PTPN4: variants seen among roughly 807,000 people sequenced by gnomAD.
PTPN4 encodes the protein protein tyrosine phosphatase non-receptor type 4.
PTPN4 carries 49 observed loss-of-function variants against 135.5 expected under a neutral mutation model. The observed-to-expected ratio is 0.36, with a 90% CI of 0.29 to 0.46. PTPN4 has a LOEUF of 0.46. Ranked by LOEUF, PTPN4 falls within the 20% of genes least tolerant of loss-of-function variation. The pLI, the probability that PTPN4 is intolerant of heterozygous loss-of-function variation, is 1.00. For missense variants in PTPN4, 860 were observed against 1,101.0 expected (o/e 0.78, Z 3.10); for synonymous variants, 333 against 369.9 (o/e 0.90, Z 1.14).
chr2:119,892,276 A>C (rs1678251747), intron 9 of PTPN4, among the ~76,000 whole-genome samples: 1 of 152,210 alleles, frequency 6.6e-6, no homozygotes, highest in African/African-American at 2.4e-5. Flanking sequence ...GGATTTTTCA[A>C]AATGTTCTAT....
Position 119,945,644 on chromosome 2 carries a change from A to G in PTPN4, c.1515+404A>G, listed in dbSNP as rs78122837. Among the ~76,000 whole-genome samples, 1,207 of 152,178 alleles carry G rather than the reference A, an allele frequency of 7.9e-3. 35 individuals are homozygous for G. The East Asian group carries it at 0.084, about 11-fold the overall frequency. On this transcript the variant is annotated intron_variant, in intron 16 of 26. Coordinates refer to ENST00000263708, the MANE Select transcript of PTPN4 (RefSeq NM_002830.4). Reference sequence around the variant, plus strand: ...AAAATAACAATAAAGAACATACTGAATGAAAGAAGCCCAGGACAAATAGCC... The same window carrying G: ...AAAATAACAATAAAGAACATACTGAGTGAAAGAAGCCCAGGACAAATAGCC...
At chr2:119,953,325 C>CAA (rs763477190) in intron 19 of PTPN4, among the ~76,000 whole-genome samples, 1 of 152,098 alleles carries the variant, frequency 6.6e-6, no homozygotes, top group Non-Finnish European at 1.5e-5. Context: ...CCCAACCCTG[C>CAA]AAAATTTTGC....
At chr2:119,896,462 C>T (rs1458199710) in intron 9 of PTPN4, among the ~76,000 whole-genome samples, 1 of 152,160 alleles carries the variant, frequency 6.6e-6, no homozygotes, top group African/African-American at 2.4e-5. Context: ...GCTGTCCTCT[C>T]TATTTCCTGC....
At position 119,984,278 on chromosome 2, in the gene PTPN4, G is replaced by A. The variant is rs975770499; in HGVS notation, c.*7208G>A. On this transcript the variant is annotated 3_prime_UTR_variant, in exon 27 of 27. Coordinates refer to ENST00000263708, the MANE Select transcript of PTPN4 (RefSeq NM_002830.4). ...TAAAAATAATTATTTCTATGTGGAG[G>A]GTGTTTTAATTTGGGATTTTTTTTT... Among the ~76,000 whole-genome samples, 4 of 151,876 alleles carry A rather than the reference G, an allele frequency of 2.6e-5. No individual in the cohort carries two copies. Among genetic ancestry groups the A allele is most frequent in the Non-Finnish European group, 5.9e-5 (4 of 67,966 alleles).
chr2:119,984,588 A>G lies in PTPN4; in HGVS notation c.*7518A>G, dbSNP rs1420025282. Among the ~76,000 whole-genome samples, 1 of 152,168 alleles carries G rather than the reference A, an allele frequency of 6.6e-6. No homozygotes were observed. The highest frequency in any genetic ancestry group is 2.4e-5 in the African/African-American group (1 of 41,438). The stretch of plus-strand genomic sequence containing the variant: ...ACTGCATAATTTGAAATCACTCTGC[A>G]TTTGTCACTGCAGCTTACTGTATGC... On this transcript the variant is annotated 3_prime_UTR_variant, in exon 27 of 27. Transcript: ENST00000263708.
chr2:119,879,574 T>C (rs1276743198), intron 5 of PTPN4, among the ~76,000 whole-genome samples: 1 of 152,228 alleles, frequency 6.6e-6, no homozygotes, highest in African/African-American at 2.4e-5. Flanking sequence ...CCCTAGATAA[T>C]TCTGATTGAA....
rs1679636616 is a variant in PTPN4, at chr2:119,977,604, G to C, written c.*534G>C. On this transcript the variant is annotated 3_prime_UTR_variant, in exon 27 of 27. Transcript: ENST00000263708. The stretch of plus-strand genomic sequence containing the variant: ...CCCTGCACACCCCCTGTAGAGACCT[G>C]CCTGCTGCTCAGAAGAAGAAAGATG... 6.6e-6 allele frequency: 1 copy of C among 152,230 alleles called. No individual in the cohort carries two copies. Among genetic ancestry groups the C allele is most frequent in the East Asian group, 1.9e-4 (1 of 5,200 alleles). The allele number at this position is 152,230 out of a possible 1,614,324, so 9.4% of individuals were successfully genotyped here.
chr2:119,948,814 A>G (rs1051173325), intron 18 of PTPN4, among the ~76,000 whole-genome samples: 3 of 152,296 alleles, frequency 2.0e-5, no homozygotes, highest in Admixed American at 1.3e-4. Flanking sequence ...ATATGTTTGA[A>G]CCAGTTTATT....
chr2:119,772,978 TG>T (rs1690761612), intron 1 of PTPN4, among the ~76,000 whole-genome samples: 1 of 152,210 alleles, frequency 6.6e-6, no homozygotes, highest in Non-Finnish European at 1.5e-5. Context: ...CTTCTGAAAG[TG>T]TTTTGAAGCT....
intron 2 of PTPN4, among the ~76,000 whole-genome samples, chr2:119,819,238 C>T (rs62167252): frequency 0.073 from 11,146 of 152,146 alleles, 537 homozygotes; most frequent in Non-Finnish European, 0.11. Context: ...GCCCTTTTCT[C>T]CCAAAGATCA....
At chr2:119,767,192 T>A (rs971182491) in intron 1 of PTPN4, among the ~76,000 whole-genome samples, 1 of 152,174 alleles carries the variant, frequency 6.6e-6, no homozygotes, top group African/African-American at 2.4e-5. Flanking sequence ...CACCTTGGAA[T>A]TGTGTTTAGC....
chr2:119,812,693 G>A (rs1676909711), intron 2 of PTPN4, among the ~76,000 whole-genome samples: 1 of 152,098 alleles, frequency 6.6e-6, no homozygotes, highest in African/African-American at 2.4e-5. Context: ...GGAGTGTATT[G>A]TCCCTCTCAT....
At chr2:119,905,126 T>C (rs1176149638) in intron 10 of PTPN4, among the ~76,000 whole-genome samples, 1 of 149,634 alleles carries the variant, frequency 6.7e-6, no homozygotes. Context: ...ATTAGCAAAA[T>C]AACAAGAATA....
intron 15 of PTPN4, among the ~76,000 whole-genome samples, chr2:119,935,983 C>T (rs769749365): frequency 2.6e-5 from 4 of 151,966 alleles, no homozygotes; most frequent in South Asian, 2.1e-4. Context: ...GACATATAAA[C>T]GCAATTGAAT....
intron 2 of PTPN4, among the ~76,000 whole-genome samples, chr2:119,824,282 G>C (rs945790927): frequency 1.5e-4 from 23 of 152,164 alleles, no homozygotes; most frequent in Non-Finnish European, 2.2e-4. Context: ...ACTCTTTTTG[G>C]GGGGGAGGCA....
At chr2:119,877,226 C>A in intron 3 of PTPN4, 97 bp from the exon 4 acceptor site, 2 of 1,357,180 alleles carry the variant, frequency 1.5e-6, no homozygotes, top group Non-Finnish European at 2.0e-6. Context: ...TGAAATGCAG[C>A]TTTTAGCATT....
chr2:119,817,701 G>A (rs1024152768), intron 2 of PTPN4, among the ~76,000 whole-genome samples: 6 of 152,132 alleles, frequency 3.9e-5, no homozygotes, highest in African/African-American at 1.4e-4. Flanking sequence ...GTTCTTTGAA[G>A]AATGTCAATG....
At chr2:119,963,792 T>G (rs1450407862) in intron 24 of PTPN4, among the ~76,000 whole-genome samples, 1 of 152,198 alleles carries the variant, frequency 6.6e-6, no homozygotes, top group African/African-American at 2.4e-5. Flanking sequence ...ATATGATATT[T>G]CTTCATTTTC....
intron 3 of PTPN4, among the ~76,000 whole-genome samples, chr2:119,864,828 G>T (rs569265978): frequency 1.4e-4 from 22 of 152,236 alleles, no homozygotes; most frequent in African/African-American, 5.3e-4. Flanking sequence ...TTGTCTTTCT[G>T]TCTTGAGTAT....
Sources: allele counts gnomAD v4.1 joint callset (sites outside exome capture counted in the v4.1 genomes callset), GRCh38; gene constraint gnomAD v4.1.1; transcripts MANE v1.5; gene names NCBI Gene and HGNC (gene_info 2026-07-23, HGNC 2026-07-21).